The following ZEB1 variants were observed in gnomAD, a reference collection of about 807,000 sequenced individuals.
ZEB1 encodes the protein zinc finger E-box-binding homeobox 1.
In ZEB1, 21 loss-of-function variants were observed where a neutral mutation model predicts 84.9. The ratio of observed to expected loss-of-function variants is 0.25; its 90% CI spans 0.18 to 0.36. ZEB1 has a LOEUF of 0.36. Among genes scored for constraint, ZEB1 ranks in the 10% least tolerant of loss-of-function variants. The probability of loss-of-function intolerance (pLI) is 1.00; values close to 1 mark genes in which losing one functional copy is unlikely to be tolerated. For synonymous variants in ZEB1, 420 were observed against 471.1 expected, an observed-to-expected ratio of 0.89 and a Z score of 1.41; for missense variants, 1,104 against 1,330.2, an observed-to-expected ratio of 0.83 and a Z score of 2.65.
In ZEB1 at chr10:31,521,704, T is replaced by C; in HGVS notation, c.2372T>C (p.Val791Ala). The change falls in exon 7 of 9, where the codon GTA becomes GCA. Residue 791 changes from valine (V) to alanine (A), a missense_variant. Around this residue, in one of 7 missense-constraint regions of ZEB1, gnomAD observed 531 missense variants for 575.2 expected, o/e 0.92. Coordinates refer to ENST00000424869, the MANE Select transcript of ZEB1 (RefSeq NM_001174096.2). ...DSCVTDSEPVVNVIPPSANPI... is the reference protein window; with the variant it reads ...DSCVTDSEPVANVIPPSANPI... ...TGTGTTACAGACTCAGAACCAGTTG[T>C]AAATGTAATCCCACCAAGTGCCAAC... The C allele has an allele frequency of 6.2e-7, 1 of 1,614,188 alleles. No homozygotes were observed. Among genetic ancestry groups the C allele is most frequent in the Middle Eastern group, 1.7e-4 (1 of 6,060 alleles).
At chr10:31,441,778 A>G (rs1295983235) in intron 1 of ZEB1, among the ~76,000 whole-genome samples, 1 of 152,258 alleles carries the variant, frequency 6.6e-6, no homozygotes, top group Non-Finnish European at 1.5e-5. Context: ...GAAGACATTT[A>G]TTTATGCAAC....
chr10:31,398,573 A>G (rs1217507291), intron 1 of ZEB1, among the ~76,000 whole-genome samples: 1 of 152,008 alleles, frequency 6.6e-6, no homozygotes, highest in Non-Finnish European at 1.5e-5. Flanking sequence ...TTACTACCCC[A>G]TGTCTTTCAT....
At chr10:31,340,843 A>T (rs944915346) in intron 1 of ZEB1, among the ~76,000 whole-genome samples, 5 of 152,112 alleles carry the variant, frequency 3.3e-5, no homozygotes, top group Non-Finnish European at 7.4e-5. Flanking sequence ...TTGTGAGTGC[A>T]TGAGCATTGA....
rs142315522 is a variant in ZEB1, at chr10:31,420,317, T to C, written c.59-40720T>C. On this transcript the variant is annotated intron_variant, in intron 1 of 8. Transcript: ENST00000424869. ...GGCACTGCTTAGCTGGCTCCTCTGC[T>C]TAAGGCAGCAATCAAGGTACCAGCC... Among the ~76,000 whole-genome samples, 525 of 152,242 alleles carry C rather than the reference T, an allele frequency of 3.4e-3. 5 individuals are homozygous for C. The highest frequency in any genetic ancestry group is 0.012 in the African/African-American group (497 of 41,546).
chr10:31,368,601 ATG>A (rs1206995399), intron 1 of ZEB1, among the ~76,000 whole-genome samples: 1 of 151,878 alleles, frequency 6.6e-6, no homozygotes, highest in Non-Finnish European at 1.5e-5. Flanking sequence ...CCTGAATATT[ATG>A]TGTGTGTGTA....
chr10:31,411,618 G>A (rs1250214546), intron 1 of ZEB1, among the ~76,000 whole-genome samples: 3 of 118,720 alleles, frequency 2.5e-5, no homozygotes, highest in African/African-American at 6.9e-5. Flanking sequence ...CGGCCTGGGC[G>A]ACAGAGCGAG....
intron 1 of ZEB1, among the ~76,000 whole-genome samples, chr10:31,382,301 C>T (rs570814511): frequency 4.5e-4 from 68 of 152,232 alleles, no homozygotes; most frequent in Admixed American, 1.9e-3. Context: ...TTGAGTGGAA[C>T]ATGCTATCTA....
At chr10:31,474,954 C>T (rs905123372) in intron 2 of ZEB1, among the ~76,000 whole-genome samples, 8 of 151,552 alleles carry the variant, frequency 5.3e-5, no homozygotes, top group South Asian at 2.1e-4. Flanking sequence ...AGTAAACTAT[C>T]GCAAGAACAA....
chr10:31,420,474 T>C (rs939665935), intron 1 of ZEB1, among the ~76,000 whole-genome samples: 1 of 152,116 alleles, frequency 6.6e-6, no homozygotes, highest in Non-Finnish European at 1.5e-5. Flanking sequence ...TCTTCACCTT[T>C]TCACAAGTGG....
intron 1 of ZEB1, among the ~76,000 whole-genome samples, chr10:31,346,646 A>G (rs2040368991): frequency 6.6e-6 from 1 of 152,052 alleles, no homozygotes; most frequent in Non-Finnish European, 1.5e-5. Flanking sequence ...AGACCACTTG[A>G]TGAAGAAAAA....
At position 31,391,323 on chromosome 10, in the gene ZEB1, T is replaced by C. The variant is rs1486467297; in HGVS notation, c.59-69714T>C. Among the ~76,000 whole-genome samples the C allele has an allele frequency of 2.0e-5, 3 of 150,988 alleles. No individual in the cohort carries two copies. In the South Asian group the frequency reaches 6.3e-4, roughly 32 times the overall value. Reference sequence around the variant, plus strand: ...AATAAGAAATTTCAGAATTTGAAAATATTGCCCCTCCCCCAAAACAGTCAC... The same window carrying C: ...AATAAGAAATTTCAGAATTTGAAAACATTGCCCCTCCCCCAAAACAGTCAC... On this transcript the variant is annotated intron_variant, in intron 1 of 8. Transcript: ENST00000424869.
At position 31,363,390 on chromosome 10, in the gene ZEB1, A is replaced by G. The variant is rs4016977; in HGVS notation, c.58+44098A>G. ...CATGCACCTGGGCCTTGTCAGTCTG[A>G]TTCTTTTCTGTCAAGCTCTTGAGGT... On this transcript the variant is annotated intron_variant, in intron 1 of 8. Transcript: ENST00000424869. 7.0e-5 allele frequency: 108 copies of G among 1,534,338 alleles called. 1 individual carries two copies. The Middle Eastern group carries it at 1.4e-3, about 20-fold the overall frequency.
At position 31,321,378 on chromosome 10, in the gene ZEB1, G is replaced by C. The variant is rs999482112; in HGVS notation, c.58+2086G>C. The C allele has an allele frequency of 4.5e-6, 7 of 1,551,330 alleles. No homozygotes were observed. In the African/African-American group the frequency reaches 6.9e-5, roughly 15 times the overall value. ...TTAAAGACGTCTGTTGATTATAAAC[G>C]AAAGGTATTTTGGTATTCTCATTGT... On this transcript the variant is annotated intron_variant, in intron 1 of 8. Transcript: ENST00000424869.
chr10:31,473,157 G>GA (rs2063522034), intron 2 of ZEB1, among the ~76,000 whole-genome samples: 1 of 150,954 alleles, frequency 6.6e-6, no homozygotes, highest in African/African-American at 2.5e-5. Context: ...ACAAGACAGG[G>GA]ATGCCCTCTC....
At chr10:31,362,886 A>T in intron 1 of ZEB1, 1 of 1,353,978 alleles carries the variant, frequency 7.4e-7, no homozygotes, top group Non-Finnish European at 1.0e-6. Context: ...TTGATATTCT[A>T]CTTAACACTC....
intron 2 of ZEB1, among the ~76,000 whole-genome samples, chr10:31,474,827 A>G (rs1325000814): frequency 6.6e-6 from 1 of 152,174 alleles, no homozygotes; most frequent in African/African-American, 2.4e-5. Flanking sequence ...TCCAACAATG[A>G]TAGACTGGAT....
At chr10:31,331,077 C>CTTTTTTTTTTTTTTTT (rs1238584690) in intron 1 of ZEB1, among the ~76,000 whole-genome samples, 3 of 89,064 alleles carry the variant, frequency 3.4e-5, no homozygotes, top group African/African-American at 5.4e-5. Flanking sequence ...TTTTTTCTTT[C>CTTTTTTTTTTTTTTTT]TTTCTTTTTT....
At chr10:31,445,661 C>G (rs1384797569) in intron 1 of ZEB1, among the ~76,000 whole-genome samples, 1 of 149,834 alleles carries the variant, frequency 6.7e-6, no homozygotes, top group African/African-American at 2.5e-5. Context: ...TTTTCTGCAT[C>G]TATTGAGATA....
chr10:31,479,510 C>G (rs1252882576), intron 2 of ZEB1, among the ~76,000 whole-genome samples: 1 of 151,776 alleles, frequency 6.6e-6, no homozygotes, highest in Non-Finnish European at 1.5e-5. Context: ...AAGATAATAG[C>G]AAATTGAATT....
Sources: allele counts gnomAD v4.1 joint callset (sites outside exome capture counted in the v4.1 genomes callset), GRCh38; gene constraint gnomAD v4.1.1; regional missense constraint gnomAD v4.1.1; transcripts MANE v1.5; gene names NCBI Gene and HGNC (gene_info 2026-07-23, HGNC 2026-07-21).